The following FAM168A variants were observed in gnomAD, a reference collection of about 807,000 sequenced individuals.
The protein encoded by FAM168A is protein FAM168A.
A neutral mutation model predicts 28.5 loss-of-function variants in FAM168A; 3 were observed. That is an observed-to-expected ratio of 0.11 (90% confidence interval 0.05 to 0.27). FAM168A has a LOEUF of 0.27. FAM168A is among the 10% of genes least tolerant of loss of function. The pLI is 1.00. For missense variants in FAM168A, 222 were observed against 311.5 expected (o/e 0.71, Z 2.16); for synonymous variants, 122 against 124.2 (o/e 0.98, Z 0.12).
intron 1 of FAM168A, among the ~76,000 whole-genome samples, chr11:73,584,249 T>C (rs1037481966): frequency 1.3e-5 from 2 of 152,036 alleles, no homozygotes; most frequent in Admixed American, 1.3e-4. Context: ...CAGTGCTCCC[T>C]GCAGCCTCGA....
At chr11:73,450,545 A>G (rs1056441900) in intron 2 of FAM168A, among the ~76,000 whole-genome samples, 27 of 151,348 alleles carry the variant, frequency 1.8e-4, no homozygotes, top group Non-Finnish European at 2.4e-4. Flanking sequence ...GAAACTGACA[A>G]TTGGGCACCT....
chr11:73,448,289 G>A (rs1482600243), intron 2 of FAM168A, among the ~76,000 whole-genome samples: 8 of 151,864 alleles, frequency 5.3e-5, no homozygotes, highest in Admixed American at 1.3e-4. Flanking sequence ...CTTGTGATCC[G>A]CCCGCCTCAG....
chr11:73,467,745 T>C (rs1193220711), intron 2 of FAM168A, among the ~76,000 whole-genome samples: 1 of 152,198 alleles, frequency 6.6e-6, no homozygotes, highest in Non-Finnish European at 1.5e-5. Flanking sequence ...TGGAACACTC[T>C]GAACTGGAAA....
intron 2 of FAM168A, among the ~76,000 whole-genome samples, chr11:73,454,545 GC>G (rs1471177698): frequency 6.6e-6 from 1 of 152,142 alleles, no homozygotes; most frequent in Non-Finnish European, 1.5e-5. Flanking sequence ...AAAAGAGCAG[GC>G]CCCTGGCGAA....
At chr11:73,586,533 C>T (rs192573140) in intron 1 of FAM168A, among the ~76,000 whole-genome samples, 4 of 152,302 alleles carry the variant, frequency 2.6e-5, no homozygotes, top group Admixed American at 1.3e-4. Flanking sequence ...AGCACAATGT[C>T]GGTACACAAT....
At chr11:73,571,243 C>G in intron 1 of FAM168A, among the ~76,000 whole-genome samples, 1 of 112,720 alleles carries the variant, frequency 8.9e-6, no homozygotes, top group East Asian at 2.7e-4. Context: ...CTCCCCCCCC[C>G]CTCCCCACAG....
chr11:73,578,462 G>A (rs2134730999), intron 1 of FAM168A, among the ~76,000 whole-genome samples: 1 of 152,170 alleles, frequency 6.6e-6, no homozygotes, highest in East Asian at 1.9e-4. Context: ...TTACTTCAAT[G>A]AAGCTGTTTA....
At chr11:73,457,571 T>C (rs1451907482) in intron 2 of FAM168A, among the ~76,000 whole-genome samples, 2 of 151,484 alleles carry the variant, frequency 1.3e-5, no homozygotes, top group Non-Finnish European at 2.9e-5. Flanking sequence ...CACTCAATTA[T>C]ACACTTAAAA....
At chr11:73,516,216 A>G (rs950325509) in intron 1 of FAM168A, among the ~76,000 whole-genome samples, 2 of 152,172 alleles carry the variant, frequency 1.3e-5, no homozygotes, top group Non-Finnish European at 2.9e-5. Context: ...AGAATATAAT[A>G]TAAAAGGCTT....
At position 73,424,216 on chromosome 11, in the gene FAM168A, C is replaced by T. The variant is rs545126746; in HGVS notation, c.152-4217G>A. Among the ~76,000 whole-genome samples, 27 of 152,218 alleles carry T rather than the reference C, an allele frequency of 1.8e-4. No homozygotes were observed. The South Asian group carries it at 4.6e-3, about 26-fold the overall frequency. ...CACAGCTCATCTCCTGACAGATGCG[C>T]GACACACAAATTCAATTTCCAGCAT... On this transcript the variant is annotated intron_variant, in intron 3 of 7. Coordinates refer to ENST00000356467, the MANE Select transcript of FAM168A (RefSeq NM_015159.3).
chr11:73,410,144 C>T (rs1283384663), intron 5 of FAM168A, among the ~76,000 whole-genome samples: 1 of 151,888 alleles, frequency 6.6e-6, no homozygotes, highest in African/African-American at 2.4e-5. Flanking sequence ...CAGTGGCTCA[C>T]GTCTGTAGTT....
chr11:73,465,431 A>T (rs988797164), intron 2 of FAM168A, among the ~76,000 whole-genome samples: 7 of 152,110 alleles, frequency 4.6e-5, no homozygotes, highest in African/African-American at 1.7e-4. Context: ...GAATCTAGGT[A>T]AAGGGTATTC....
At chr11:73,495,745 G>A (rs1050705160) in intron 1 of FAM168A, among the ~76,000 whole-genome samples, 4 of 152,054 alleles carry the variant, frequency 2.6e-5, no homozygotes, top group African/African-American at 9.7e-5. Context: ...CCATTAAGAT[G>A]ACTATTATCA....
At chr11:73,494,275 G>A (rs1462363141) in intron 1 of FAM168A, among the ~76,000 whole-genome samples, 1 of 152,152 alleles carries the variant, frequency 6.6e-6, no homozygotes, top group African/African-American at 2.4e-5. Flanking sequence ...CAAAGTCACA[G>A]AGCAGGTCAC....
chr11:73,485,269 C>G (rs1314297083), intron 1 of FAM168A, among the ~76,000 whole-genome samples: 1 of 152,144 alleles, frequency 6.6e-6, no homozygotes, highest in Non-Finnish European at 1.5e-5. Context: ...CAGCAAATCC[C>G]TAAGTACTAG....
At chr11:73,549,132 G>C (rs1257362560) in intron 1 of FAM168A, among the ~76,000 whole-genome samples, 8 of 152,014 alleles carry the variant, frequency 5.3e-5, no homozygotes, top group Non-Finnish European at 1.0e-4. Context: ...AGTAGAGATG[G>C]GGTTTCACCA....
chr11:73,434,386 G>C (rs1408348574), intron 2 of FAM168A, among the ~76,000 whole-genome samples: 1 of 152,178 alleles, frequency 6.6e-6, no homozygotes, highest in Non-Finnish European at 1.5e-5. Flanking sequence ...AGTGTCGAGG[G>C]TAAGGGCACT....
chr11:73,490,483 C>T (rs1303883940), intron 1 of FAM168A, among the ~76,000 whole-genome samples: 2 of 152,160 alleles, frequency 1.3e-5, no homozygotes, highest in African/African-American at 4.8e-5. Context: ...TAATGCCACA[C>T]ATTATAAATT....
intron 1 of FAM168A, among the ~76,000 whole-genome samples, chr11:73,525,642 T>C (rs941550580): frequency 4.6e-5 from 7 of 152,222 alleles, no homozygotes; most frequent in Admixed American, 4.6e-4. Context: ...GAACCTCTAA[T>C]ACCTAGGCTA....
Sources: gnomAD v4.1 joint callset for allele counts (sites outside exome capture counted in the v4.1 genomes callset) on GRCh38, gnomAD v4.1.1 for gene constraint, MANE v1.5 for transcripts, NCBI Gene and HGNC (gene_info 2026-07-23, HGNC 2026-07-21) for gene names.